Variants in UBE3D observed in about 807,000 individuals in gnomAD.
The protein encoded by UBE3D is ubiquitin protein ligase E3D.
Under a neutral mutation model 49.6 loss-of-function variants are expected in UBE3D, and 48 were observed. The observed-to-expected ratio is 0.97, with a 90% CI of 0.77 to 1.23. UBE3D has a LOEUF of 1.23. Ranked by LOEUF, UBE3D falls within the 50% of genes most tolerant of loss-of-function variation. The pLI is 0.00. For missense variants in UBE3D, 452 were observed against 468.4 expected (o/e 0.96, Z 0.32); for synonymous variants, 189 against 174.2 (o/e 1.08, Z -0.67).
chr6:82,997,120 A>T (rs953376016), intron 8 of UBE3D, among the ~76,000 whole-genome samples: 3 of 152,220 alleles, frequency 2.0e-5, no homozygotes, highest in Admixed American at 6.5e-5. Context: ...AAATTACTCC[A>T]AAGTAAAGTT....
Position 82,892,861 on chromosome 6 carries a change from A to G in UBE3D, c.*161T>C. 1 of 828,554 alleles carries G rather than the reference A, an allele frequency of 1.2e-6. No homozygotes were observed. The highest frequency in any genetic ancestry group is 2.0e-6 in the Non-Finnish European group (1 of 498,178). The allele number at this position is 828,554 out of a possible 1,614,324, so 51.3% of individuals were successfully genotyped here. A position where few individuals can be genotyped will look rare whatever the true frequency, so the allele number is the denominator to read the frequency against. On this transcript the variant is annotated 3_prime_UTR_variant, in exon 10 of 10. Transcript: ENST00000369747. Reference sequence around the variant, plus strand: ...CTAAAGTTAACTCTTCTCTTAGAGAATACATGCAAACAAGTAAACTTAAAA... The same window carrying G: ...CTAAAGTTAACTCTTCTCTTAGAGAGTACATGCAAACAAGTAAACTTAAAA...
chr6:83,049,994 AT>A (rs1562228260), intron 3 of UBE3D, among the ~76,000 whole-genome samples: 1 of 152,208 alleles, frequency 6.6e-6, no homozygotes, highest in Non-Finnish European at 1.5e-5. Context: ...CACAAATTTT[AT>A]AGAAAAACTG....
At chr6:82,884,169 ATC>A in the UBE3D span, among the ~76,000 whole-genome samples, 1 of 152,216 alleles carries the variant, frequency 6.6e-6, no homozygotes. Context: ...CCATTTTGGG[ATC>A]TGTGTTACAA....
chr6:83,012,804 T>C (rs1780437348), intron 8 of UBE3D, among the ~76,000 whole-genome samples: 1 of 152,212 alleles, frequency 6.6e-6, no homozygotes, highest in African/African-American at 2.4e-5. Context: ...CCATCCAAGG[T>C]GTACTGCTCC....
At chr6:82,991,919 A>C (rs1778911546) in intron 8 of UBE3D, among the ~76,000 whole-genome samples, 1 of 152,202 alleles carries the variant, frequency 6.6e-6, no homozygotes, top group Non-Finnish European at 1.5e-5. Flanking sequence ...TAGAGAATTA[A>C]ATGTACAAGT....
chr6:82,991,577 A>T (rs906246472), intron 8 of UBE3D, among the ~76,000 whole-genome samples: 1 of 152,192 alleles, frequency 6.6e-6, no homozygotes, highest in African/African-American at 2.4e-5. Context: ...AATAGATGAC[A>T]ATTCCTAAAC....
the UBE3D span, among the ~76,000 whole-genome samples, chr6:82,885,007 A>C: frequency 6.6e-6 from 1 of 152,184 alleles, no homozygotes; most frequent in East Asian, 1.9e-4. Flanking sequence ...CTTGCAAGAG[A>C]AGATTCTGAA....
chr6:83,057,784 C>CA, intron 2 of UBE3D, 42 bp downstream of exon 2: 1 of 1,594,594 alleles, frequency 6.3e-7, no homozygotes. Context: ...TGGTTTATAA[C>CA]AAAAAGGTAA....
At chr6:82,881,802 A>G in the UBE3D span, among the ~76,000 whole-genome samples, 1 of 152,196 alleles carries the variant, frequency 6.6e-6, no homozygotes, top group Non-Finnish European at 1.5e-5. Flanking sequence ...GACCTTAGGT[A>G]AGTTATTGGA....
chr6:82,912,767 C>T (rs1055624983), intron 9 of UBE3D, among the ~76,000 whole-genome samples: 4 of 152,206 alleles, frequency 2.6e-5, no homozygotes, highest in African/African-American at 4.8e-5. Context: ...CATACATCCA[C>T]GTAGTCATCC....
intron 8 of UBE3D, among the ~76,000 whole-genome samples, chr6:82,965,824 A>G (rs1470701872): frequency 6.6e-6 from 1 of 152,174 alleles, no homozygotes; most frequent in Non-Finnish European, 1.5e-5. Context: ...GCTTCAAGCC[A>G]TCATTCTCAC....
chr6:83,004,303 C>G (rs1779824652), intron 8 of UBE3D, among the ~76,000 whole-genome samples: 1 of 152,092 alleles, frequency 6.6e-6, no homozygotes, highest in South Asian at 2.1e-4. Flanking sequence ...CTTTTCACAT[C>G]TCCTAATATT....
rs113046065 is a variant in UBE3D at position 83,058,065 on chromosome 6, T to A, written c.78-43A>T. Reference sequence around the variant, plus strand: ...AACCCAAACAAATTATTTCTCACAATGAAAACCACATGATGAAAGAAACAA... The same window carrying A: ...AACCCAAACAAATTATTTCTCACAAAGAAAACCACATGATGAAAGAAACAA... On this transcript the variant is annotated intron_variant, in intron 1 of 9. Coordinates refer to ENST00000369747, the MANE Select transcript of UBE3D (RefSeq NM_198920.3). 1,568 of 1,597,202 alleles carry A rather than the reference T, an allele frequency of 9.8e-4. 18 individuals carry two copies. In the African/African-American group the frequency reaches 0.019, roughly 19 times the overall value.
intron 8 of UBE3D, among the ~76,000 whole-genome samples, chr6:82,974,684 G>C (rs1397271404): frequency 6.6e-6 from 1 of 151,742 alleles, no homozygotes; most frequent in Non-Finnish European, 1.5e-5. Flanking sequence ...GTTAAATATA[G>C]CTACTCAAGA....
At chr6:83,000,170 G>A (rs1224983847) in intron 8 of UBE3D, among the ~76,000 whole-genome samples, 1 of 151,982 alleles carries the variant, frequency 6.6e-6, no homozygotes, top group African/African-American at 2.4e-5. Flanking sequence ...CATGCCATTG[G>A]CTTCAATTAC....
chr6:82,941,384 G>GAA (rs1256264398), intron 9 of UBE3D, among the ~76,000 whole-genome samples: 7 of 151,688 alleles, frequency 4.6e-5, no homozygotes, highest in Non-Finnish European at 1.0e-4. Flanking sequence ...ACCCAGAGAT[G>GAA]AAAGTGGAAT....
Position 82,894,435 on chromosome 6 carries a change from C to T in UBE3D, c.1150-1393G>A, listed in dbSNP as rs116022022. ...AACATCTTATCAATATCCTGCCGGG[C>T]GGTAAGCCATACTGCCCAGACCCCT... On this transcript the variant is annotated intron_variant, in intron 9 of 9. Transcript: ENST00000369747. Among the ~76,000 whole-genome samples the T allele has an allele frequency of 5.6e-3, 853 of 152,258 alleles. 6 individuals carry two copies. Among genetic ancestry groups the T allele is most frequent in the African/African-American group, 0.019 (807 of 41,540 alleles).
chr6:82,965,373 C>G (rs1461462175), intron 8 of UBE3D, among the ~76,000 whole-genome samples: 1 of 151,954 alleles, frequency 6.6e-6, no homozygotes, highest in Non-Finnish European at 1.5e-5. Context: ...CACCTGAGGT[C>G]GGGAGTTCAA....
chr6:82,902,565 CA>C (rs1335088995), intron 9 of UBE3D, among the ~76,000 whole-genome samples: 2 of 152,060 alleles, frequency 1.3e-5, no homozygotes, highest in African/African-American at 2.4e-5. Flanking sequence ...TTTGAATTGA[CA>C]AAATTTTACA....
Sources: allele counts gnomAD v4.1 joint callset (sites outside exome capture counted in the v4.1 genomes callset), GRCh38; gene constraint gnomAD v4.1.1; transcripts MANE v1.5; gene names NCBI Gene and HGNC (gene_info 2026-07-23, HGNC 2026-07-21).